TMEM242: variants seen among roughly 807,000 people sequenced by gnomAD.
TMEM242 encodes the protein transmembrane protein 242, also known as UPF0463 transmembrane protein C6orf35.
Under a neutral mutation model 18.2 loss-of-function variants are expected in TMEM242, and 10 were observed. That is an observed-to-expected ratio of 0.55 (90% CI 0.34 to 0.93). TMEM242 has a LOEUF of 0.93. TMEM242 is among the 40% of genes least tolerant of loss of function. TMEM242 has a pLI of 0.02. For synonymous variants in TMEM242, 57 were observed against 69.9 expected (o/e 0.81, Z 0.92); for missense variants, 186 against 175.5 (o/e 1.06, Z -0.34).
At chr6:157,310,396 G>C (rs1283793380) in intron 3 of TMEM242, among the ~76,000 whole-genome samples, 1 of 101,154 alleles carries the variant, frequency 9.9e-6, no homozygotes, top group African/African-American at 3.8e-5. Context: ...CCTCATCATA[G>C]TGTCCCAGTG....
chr6:157,300,283 A>G (rs1583557373), intron 3 of TMEM242, among the ~76,000 whole-genome samples: 2 of 152,384 alleles, frequency 1.3e-5, no homozygotes, highest in Non-Finnish European at 1.5e-5. Flanking sequence ...GGGCCTTGCC[A>G]GCGCCTTCAA....
chr6:157,304,702 C>T (rs1232354631), intron 3 of TMEM242, among the ~76,000 whole-genome samples: 1 of 151,850 alleles, frequency 6.6e-6, no homozygotes, highest in Non-Finnish European at 1.5e-5. Context: ...AATATCATCT[C>T]GTTTTGCAAT....
intron 3 of TMEM242, among the ~76,000 whole-genome samples, chr6:157,315,388 CCTTT>C (rs1422735574): frequency 2.0e-5 from 3 of 152,156 alleles, no homozygotes; most frequent in Admixed American, 2.0e-4. Flanking sequence ...AACACTACCG[CCTTT>C]AAAAGATATG....
At chr6:157,311,244 G>GCCTGATCATACTGTCCGAC (rs1778067309) in intron 3 of TMEM242, among the ~76,000 whole-genome samples, 2 of 99,328 alleles carry the variant, frequency 2.0e-5, no homozygotes, top group Non-Finnish European at 2.2e-5. Context: ...TAGTGTCCCA[G>GCCTGATCATACTGTCCGAC]TGTGCGCTCA....
At chr6:157,300,237 C>G (rs1777810134) in intron 3 of TMEM242, 1 of 390,746 alleles carries the variant, frequency 2.6e-6, no homozygotes. Flanking sequence ...GGCGAGTGCG[C>G]AAGACACGCC....
chr6:157,292,942 C>G lies in TMEM242; in HGVS notation c.385G>C (p.Glu129Gln). The change falls in exon 4 of 4, where the codon GAA becomes CAA. Residue 129 changes from glutamate to glutamine, a missense_variant. Transcript: ENST00000400788. ...SIFPTIPKNSESAVEWEETLK... is the reference protein window; with the variant it reads ...SIFPTIPKNSQSAVEWEETLK... ...GTTTCCTCCCACTCAACAGCCGATT[C>G]GGAGTTCTTGGGAATTGTTGGAAAT... 1 of 1,613,642 alleles carries G rather than the reference C, an allele frequency of 6.2e-7. No individual in the cohort carries two copies. The highest frequency in any genetic ancestry group is 8.5e-7 in the Non-Finnish European group (1 of 1,179,696).
chr6:157,311,142 G>A (rs1176818650), intron 3 of TMEM242, among the ~76,000 whole-genome samples: 433 of 16,714 alleles, frequency 0.026, 2 homozygotes, highest in East Asian at 0.15. Context: ...TAGTGTCCCA[G>A]TGTGCACTCA....
chr6:157,309,122 T>C (rs150103385), intron 3 of TMEM242, among the ~76,000 whole-genome samples: 92 of 152,274 alleles, frequency 6.0e-4, no homozygotes, highest in African/African-American at 1.9e-3. Flanking sequence ...TGTGACTGTT[T>C]AGTGAAAAAA....
In TMEM242 at chr6:157,321,082, T is replaced by C. The variant is rs940848300; in HGVS notation, c.189+1623A>G. 7.3e-5 allele frequency among the ~76,000 whole-genome samples: 11 copies of C among 151,132 alleles called. No homozygotes were observed. In the East Asian group the frequency reaches 7.8e-4, roughly 11 times the overall value. ...GGAGTGCAGTGGCGAAATCTCGGCTTACTGCAAGCTCCGCCTCCCGGGTTC... is the reference window on the plus strand; with the variant it reads ...GGAGTGCAGTGGCGAAATCTCGGCTCACTGCAAGCTCCGCCTCCCGGGTTC... On this transcript the variant is annotated intron_variant, in intron 2 of 3. Transcript: ENST00000400788.
intron 3 of TMEM242, chr6:157,299,720 C>A: frequency 6.2e-7 from 1 of 1,605,394 alleles, no homozygotes; most frequent in Non-Finnish European, 8.5e-7. Context: ...TTGACGTGCA[C>A]CTTCTGTGAT....
rs782392810 is a variant in TMEM242, at chr6:157,289,619, A to G, written c.*3282T>C. Reference sequence around the variant, plus strand: ...CATAAACCAAGATTTAATCTTGGAGATTAAATGTTGCCCCAAGTGAAATAG... The same window carrying G: ...CATAAACCAAGATTTAATCTTGGAGGTTAAATGTTGCCCCAAGTGAAATAG... On this transcript the variant is annotated 3_prime_UTR_variant, in exon 4 of 4. Coordinates refer to ENST00000400788, the MANE Select transcript of TMEM242 (RefSeq NM_018452.6). The G allele has an allele frequency of 6.6e-6, 1 of 152,222 alleles. No individual in the cohort carries two copies. Among genetic ancestry groups the G allele is most frequent in the Non-Finnish European group, 1.5e-5 (1 of 68,040 alleles). The allele number at this position is 152,222 out of a possible 1,614,324, so 9.4% of individuals were successfully genotyped here.
intron 3 of TMEM242, among the ~76,000 whole-genome samples, chr6:157,309,190 A>G (rs778092823): frequency 5.9e-5 from 9 of 152,214 alleles, no homozygotes; most frequent in Non-Finnish European, 1.3e-4. Flanking sequence ...GAATATGCCT[A>G]CACAAGATGC....
At chr6:157,311,085 C>G (rs1373648797) in intron 3 of TMEM242, among the ~76,000 whole-genome samples, 1 of 135,210 alleles carries the variant, frequency 7.4e-6, no homozygotes, top group African/African-American at 3.0e-5. Flanking sequence ...TGTGCTCACA[C>G]CTAGCCACAT....
At chr6:157,310,723 T>A (rs1583562945) in intron 3 of TMEM242, among the ~76,000 whole-genome samples, 1 of 75,898 alleles carries the variant, frequency 1.3e-5, no homozygotes, top group African/African-American at 4.6e-5. Context: ...TGCACTCAGC[T>A]AGCCTCATCA....
chr6:157,305,100 T>A lies in TMEM242; in HGVS notation c.328-12101A>T, dbSNP rs587645790. On this transcript the variant is annotated intron_variant, in intron 3 of 3. Transcript: ENST00000400788. The surrounding 1 kb of genome is among the most constrained non-coding windows in gnomAD (Gnocchi z 4.1). ...AGTAGCATGATCTGACTCACATTTT[T>A]AAAATATCTCTGGCTGCTGTGTGGA... 3.3e-5 allele frequency among the ~76,000 whole-genome samples: 5 copies of A among 152,254 alleles called. No individual in the cohort carries two copies. Among genetic ancestry groups the A allele is most frequent in the East Asian group, 1.9e-4 (1 of 5,186 alleles).
chr6:157,312,474 C>G (rs1778190375), intron 3 of TMEM242, among the ~76,000 whole-genome samples: 3 of 147,414 alleles, frequency 2.0e-5, no homozygotes, highest in Non-Finnish European at 3.0e-5. Context: ...GTGCACTCAC[C>G]TAGCCTCATC....
chr6:157,300,087 C>T (rs2128413179), intron 3 of TMEM242: 1 of 694,586 alleles, frequency 1.4e-6, no homozygotes, highest in Middle Eastern at 3.2e-4. Flanking sequence ...GCCGAGCTCA[C>T]TCTCCGGCTG....
At chr6:157,313,193 C>G (rs1583571166) in intron 3 of TMEM242, among the ~76,000 whole-genome samples, 1 of 146,390 alleles carries the variant, frequency 6.8e-6, no homozygotes, top group African/African-American at 2.5e-5. Flanking sequence ...CTCACCCGGC[C>G]TCATCATAGT....
rs3199374 is a variant in TMEM242, at chr6:157,292,745, C to T, written c.*156G>A. 0.25 allele frequency: 141,215 copies of T among 575,158 alleles called. 17,985 individuals are homozygous for T. Among genetic ancestry groups the T allele is most frequent in the South Asian group, 0.35 (13,412 of 37,962 alleles). 35.6% of individuals were successfully genotyped at this position (575,158 alleles called of 1,614,324 possible). A position where few individuals can be genotyped will look rare whatever the true frequency, so the allele number is the denominator to read the frequency against. ...CTCCCCCAGCACGCACACACATACT[C>T]TCCTGTGATGAGGCTGAATGCTATC... On this transcript the variant is annotated 3_prime_UTR_variant, in exon 4 of 4. Coordinates refer to ENST00000400788, the MANE Select transcript of TMEM242 (RefSeq NM_018452.6).
Sources: gnomAD v4.1 joint callset for allele counts (sites outside exome capture counted in the v4.1 genomes callset) on GRCh38, gnomAD v4.1.1 for gene constraint, Gnocchi (gnomAD v3.1) non-coding constraint, MANE v1.5 for transcripts, NCBI Gene and HGNC (gene_info 2026-07-23, HGNC 2026-07-21) for gene names.